Variants in TP63 observed in about 807,000 individuals in gnomAD.
TP63 encodes tumor protein p63.
In TP63, 17 loss-of-function variants were observed where a neutral mutation model predicts 82.8. The ratio of observed to expected loss-of-function variants is 0.21; its 90% CI spans 0.14 to 0.31. The LOEUF (loss-of-function observed/expected upper bound fraction) is 0.31, where lower values mean the gene tolerates loss of function less well. TP63 is among the 10% of genes least tolerant of loss of function. The pLI, the probability that TP63 is intolerant of heterozygous loss-of-function variation, is 1.00. For missense variants in TP63, 648 were observed against 895.3 expected (o/e 0.72, Z 3.52); for synonymous variants, 330 against 321.7 (o/e 1.03, Z -0.28).
At chr3:189,676,762 T>G (rs1456660220) in intron 1 of TP63, among the ~76,000 whole-genome samples, 1 of 152,072 alleles carries the variant, frequency 6.6e-6, no homozygotes, top group Admixed American at 6.6e-5. Flanking sequence ...TGTTAGGAAC[T>G]GGACCACATA....
At chr3:189,601,279 C>A in the TP63 span, among the ~76,000 whole-genome samples, 1 of 152,062 alleles carries the variant, frequency 6.6e-6, no homozygotes, top group East Asian at 1.9e-4. Context: ...TTTTAACACC[C>A]ATGAAAAATG....
chr3:189,597,016 C>G, the TP63 span, among the ~76,000 whole-genome samples: 1 of 152,218 alleles, frequency 6.6e-6, no homozygotes, highest in Admixed American at 6.5e-5. Context: ...ACGAACCCAC[C>G]GTAAGGAAGA....
At chr3:189,654,410 ATTAT>A (rs1713150943) in intron 1 of TP63, among the ~76,000 whole-genome samples, 1 of 152,158 alleles carries the variant, frequency 6.6e-6, no homozygotes, top group African/African-American at 2.4e-5. Context: ...AGATTAACTA[ATTAT>A]TTTGTTTACT....
chr3:189,872,819 C>A (rs772192611), intron 9 of TP63, 40 bp from the exon 10 acceptor site: 16 of 1,613,782 alleles, frequency 9.9e-6, no homozygotes, highest in Non-Finnish European at 1.4e-5. Flanking sequence ...AGTTCTACAG[C>A]TTTTCATGTT....
chr3:189,886,980 G>A (rs1010944684), intron 11 of TP63, among the ~76,000 whole-genome samples: 1 of 152,008 alleles, frequency 6.6e-6, no homozygotes, highest in African/African-American at 2.4e-5. Context: ...AGGCCGAGGC[G>A]GGAGGATCAC....
chr3:189,700,396 C>T (rs1261430075), intron 1 of TP63, among the ~76,000 whole-genome samples: 1 of 152,168 alleles, frequency 6.6e-6, no homozygotes, highest in Non-Finnish European at 1.5e-5. Context: ...TTGCTGTTTC[C>T]ATGTACTCCA....
rs75206679 is a variant in TP63 at position 189,802,727 on chromosome 3, C to T, written c.325-5545C>T. 6.4e-3 allele frequency among the ~76,000 whole-genome samples: 968 copies of T among 152,260 alleles called. 7 individuals are homozygous for T. Among genetic ancestry groups the T allele is most frequent in the African/African-American group, 0.022 (922 of 41,542 alleles). On this transcript the variant is annotated intron_variant, in intron 3 of 13. Transcript: ENST00000264731. The stretch of plus-strand genomic sequence containing the variant: ...TACAGGAGTGTAAGGAGTACTGAAG[C>T]GTGTTCAATCCCCTAGCCTCATCCA...
chr3:189,784,317 GGACATACAT>G (rs1366207844), intron 3 of TP63, among the ~76,000 whole-genome samples: 2 of 152,028 alleles, frequency 1.3e-5, no homozygotes, highest in Non-Finnish European at 2.9e-5. Context: ...ATGAACTGTA[GGACATACAT>G]GACATTGAAG....
intron 1 of TP63, among the ~76,000 whole-genome samples, chr3:189,647,746 AAAAC>A (rs1712544091): frequency 1.4e-5 from 2 of 147,122 alleles, no homozygotes; most frequent in Non-Finnish European, 3.0e-5. Context: ...AAAAAAAAGT[AAAAC>A]AAACCTCTAC....
chr3:189,734,232 C>T (rs1313342563), intron 1 of TP63, among the ~76,000 whole-genome samples: 15 of 137,348 alleles, frequency 1.1e-4, no homozygotes, highest in East Asian at 4.5e-4. Context: ...CATGCAGTGG[C>T]TCAATCTTGG....
intron 3 of TP63, among the ~76,000 whole-genome samples, chr3:189,756,319 G>A (rs1362355422): frequency 6.6e-6 from 1 of 152,156 alleles, no homozygotes; most frequent in Non-Finnish European, 1.5e-5. Flanking sequence ...AGCTACCTAT[G>A]TGGCTTATAG....
rs372147574 is a variant in TP63, at chr3:189,848,239, T to TC, written c.580-15993_580-15992insC. On this transcript the variant is annotated intron_variant, in intron 4 of 13. Coordinates refer to ENST00000264731, the MANE Select transcript of TP63 (RefSeq NM_003722.5). Reference sequence around the variant, plus strand: ...CTCTGCCTCCTCCTCCTCCTCCTCCTTCTCTCTCTCTCTCTCTCTCTCTCT... The same window carrying TC: ...CTCTGCCTCCTCCTCCTCCTCCTCCTCTCTCTCTCTCTCTCTCTCTCTCTCT... 2.6e-3 allele frequency among the ~76,000 whole-genome samples: 245 copies of TC among 96,018 alleles called. 4 individuals carry two copies. Among genetic ancestry groups the TC allele is most frequent in the African/African-American group, 0.01 (240 of 23,474 alleles). The allele number at this position is 96,018 out of a possible 152,430, so 63.0% of individuals were successfully genotyped here. A position where few individuals can be genotyped will look rare whatever the true frequency, so the allele number is the denominator to read the frequency against.
chr3:189,887,037 C>A (rs6773727), intron 11 of TP63, among the ~76,000 whole-genome samples: 1 of 151,692 alleles, frequency 6.6e-6, no homozygotes, highest in Non-Finnish European at 1.5e-5. Context: ...GGTGAAACCC[C>A]GTCTCTATTA....
rs1440083511 is a variant in TP63, at chr3:189,894,279, T to C, written c.1820T>C (p.Leu607Pro). Residue 607 changes from leucine to proline, a missense_variant, in exon 14 of 14, where the codon CTC (leucine) becomes CCC (proline). Around this residue, in one of 5 missense-constraint regions of TP63, gnomAD observed 342 missense variants for 425.7 expected, o/e 0.80. Transcript: ENST00000264731. ...AAGGGCATCCTGGACCACCGGCAGC[T>C]CCACGAATTCTCCTCCCCTTCTCAT... is the stretch of plus-strand genomic sequence containing the variant. ...IWKGILDHRQLHEFSSPSHLL... is the reference protein window; with the variant it reads ...IWKGILDHRQPHEFSSPSHLL... 3.1e-6 allele frequency: 5 copies of C among 1,614,092 alleles called. No individual in the cohort carries two copies. The highest frequency in any genetic ancestry group is 3.4e-6 in the Non-Finnish European group (4 of 1,180,004).
In TP63 at chr3:189,894,362, G is replaced by A. The variant is rs1242688206; in HGVS notation, c.1903G>A (p.Gly635Ser). Residue 635 changes from glycine to serine, a missense_variant, in exon 14 of 14, where the codon GGT becomes AGT. By Grantham distance (56) the Gly-to-Ser change is moderately conservative. Coordinates refer to ENST00000264731, the MANE Select transcript of TP63 (RefSeq NM_003722.5). The part of the protein sequence containing the change: ...TVSVGSSETR[G>S]ERVIDAVRFT... ...CAGTGTGGGCTCCAGTGAGACCCGGGGTGAGCGTGTTATTGATGCTGTGCG... is the reference window on the plus strand; with the variant it reads ...CAGTGTGGGCTCCAGTGAGACCCGGAGTGAGCGTGTTATTGATGCTGTGCG... The A allele has an allele frequency of 1.7e-5, 27 of 1,613,800 alleles. No individual in the cohort carries two copies. Among genetic ancestry groups the A allele is most frequent in the Middle Eastern group, 1.6e-4 (1 of 6,084 alleles).
intron 10 of TP63, among the ~76,000 whole-genome samples, chr3:189,876,817 T>A (rs1168300846): frequency 3.9e-5 from 6 of 152,186 alleles, no homozygotes; most frequent in Non-Finnish European, 8.8e-5. Context: ...AAAATCTAAT[T>A]TCCTGGCAAT....
chr3:189,645,254 G>C, intron 1 of TP63: 1 of 324,808 alleles, frequency 3.1e-6, no homozygotes, highest in Non-Finnish European at 5.9e-6. Context: ...TATTCGTACA[G>C]TATTCATACT....
rs59961654 is a variant in TP63 at position 189,765,894 on chromosome 3, G to A, written c.324+27120G>A. ...TTAGTTTCCTTATGGGTGAAAGCAC[G>A]GAGTTGGGCTAGGTGAATACTCAGT... On this transcript the variant is annotated intron_variant, in intron 3 of 13. Coordinates refer to ENST00000264731, the MANE Select transcript of TP63 (RefSeq NM_003722.5). Among the ~76,000 whole-genome samples the A allele has an allele frequency of 8.0e-3, 1,220 of 152,246 alleles. 114 individuals carry two copies. In the East Asian group the frequency reaches 0.2, roughly 25 times the overall value.
At chr3:189,829,701 T>TA (rs1464213398) in intron 4 of TP63, among the ~76,000 whole-genome samples, 1 of 152,110 alleles carries the variant, frequency 6.6e-6, no homozygotes, top group Non-Finnish European at 1.5e-5. Flanking sequence ...TAAAGAAAAA[T>TA]AAAAATTTAC....
Sources: gnomAD v4.1 joint callset for allele counts (sites outside exome capture counted in the v4.1 genomes callset) on GRCh38, gnomAD v4.1.1 for gene constraint, gnomAD v4.1.1 regional missense constraint, MANE v1.5 for transcripts, NCBI Gene and HGNC (gene_info 2026-07-23, HGNC 2026-07-21) for gene names.